The following LAMB3 variants were observed in gnomAD, a reference collection of about 807,000 sequenced individuals.
LAMB3 encodes laminin subunit beta-3.
A neutral mutation model predicts 140.3 loss-of-function variants in LAMB3; 104 were observed. That is an observed-to-expected ratio of 0.74 (90% CI 0.63 to 0.87). LAMB3 has a LOEUF of 0.87. LAMB3 is among the 40% of genes least tolerant of loss of function. The probability of loss-of-function intolerance (pLI) is 0.00; values close to 1 mark genes in which losing one functional copy is unlikely to be tolerated. For synonymous variants in LAMB3, 592 were observed against 602.9 expected (o/e 0.98, Z 0.26); for missense variants, 1,531 against 1,575.2 (o/e 0.97, Z 0.47).
At chr1:209,637,645 C>T (rs1427435104) in intron 5 of LAMB3, among the ~76,000 whole-genome samples, 1 of 152,168 alleles carries the variant, frequency 6.6e-6, no homozygotes, top group Non-Finnish European at 1.5e-5. Flanking sequence ...AGAATTGGTA[C>T]TTGGCAGAGC....
At chr1:209,651,608 A>T (rs916138840) in intron 1 of LAMB3, among the ~76,000 whole-genome samples, 2 of 152,158 alleles carry the variant, frequency 1.3e-5, no homozygotes, top group Admixed American at 1.3e-4. Context: ...TCTGAAAGGG[A>T]AGCAACCCAA....
At chr1:209,632,452 G>T in intron 8 of LAMB3, 131 bp downstream of exon 8, 1 of 672,684 alleles carries the variant, frequency 1.5e-6, no homozygotes, top group Non-Finnish European at 2.5e-6. Flanking sequence ...ATTTTTTGTT[G>T]TTGCTGCTGA....
chr1:209,633,935 A>G (rs1399894086), intron 6 of LAMB3, among the ~76,000 whole-genome samples: 2 of 152,170 alleles, frequency 1.3e-5, no homozygotes, highest in Non-Finnish European at 2.9e-5. Context: ...GCAGGTTCTT[A>G]TTTCTAGCTC....
At chr1:209,631,153 C>T (rs1052769073) in intron 8 of LAMB3, among the ~76,000 whole-genome samples, 8 of 152,200 alleles carry the variant, frequency 5.3e-5, no homozygotes, top group African/African-American at 1.7e-4. Flanking sequence ...GTTAATGGAA[C>T]TGTTGTGATG....
At chr1:209,634,742 G>T in intron 5 of LAMB3, 104 bp from the exon 6 acceptor site, 1 of 968,064 alleles carries the variant, frequency 1.0e-6, no homozygotes, top group Non-Finnish European at 1.6e-6. Flanking sequence ...GAGAAAGGGG[G>T]CCCAGTGGGA....
In LAMB3 at chr1:209,616,621, A is replaced by G. The variant is rs573606004; in HGVS notation, c.3232T>C (p.Phe1078Leu). 1.2e-6 allele frequency: 2 copies of G among 1,614,100 alleles called. No homozygotes were observed. The highest frequency in any genetic ancestry group is 1.3e-5 in the African/African-American group (1 of 75,020). The change falls in exon 22 of 23, where the codon TTT becomes CTT. Residue 1078 changes from phenylalanine (F) to leucine (L), a missense_variant. Phe to Leu is a conservative substitution (Grantham distance 22). Coordinates refer to ENST00000356082, the MANE Select transcript of LAMB3 (RefSeq NM_000228.3). ...SEQALSAQEGFERIKQKYAEL... is the reference protein window; with the variant it reads ...SEQALSAQEGLERIKQKYAEL... ...GCATACTTTTGTTTTATTCTCTCAAATCCCTGAAAAAGGTAGAATAGTCTC... is the reference window on the plus strand; with the variant it reads ...GCATACTTTTGTTTTATTCTCTCAAGTCCCTGAAAAAGGTAGAATAGTCTC...
intron 4 of LAMB3, 78 bp downstream of exon 4, chr1:209,638,456 G>A: frequency 2.1e-6 from 2 of 946,052 alleles, no homozygotes; most frequent in South Asian, 1.3e-5. Flanking sequence ...GAAACCCAAA[G>A]GGTTATAGGG....
intron 11 of LAMB3, among the ~76,000 whole-genome samples, chr1:209,627,795 CTCAG>C (rs1294053752): frequency 2.0e-5 from 3 of 152,252 alleles, no homozygotes; most frequent in Non-Finnish European, 4.4e-5. Context: ...ATCTGGCTGA[CTCAG>C]TCCCACCTTC....
At position 209,615,399 on chromosome 1, in the gene LAMB3, A is replaced by C. The variant is rs775574815; in HGVS notation, c.3391T>G (p.Leu1131Val). The C allele has an allele frequency of 1.3e-6, 2 of 1,598,978 alleles. No homozygotes were observed. Among genetic ancestry groups the C allele is most frequent in the African/African-American group, 2.7e-5 (2 of 74,656 alleles). Residue 1131 changes from leucine (L) to valine (V), a missense_variant, in exon 23 of 23, where the codon TTG becomes GTG. By Grantham distance (32) the Leu-to-Val change is conservative (BLOSUM62 1). Coordinates refer to ENST00000356082, the MANE Select transcript of LAMB3 (RefSeq NM_000228.3). ...EMMDRMKDME[L>V]ELLRGSQAIM... ...GCCTGGCTGCCCCGCAGCAGCTCCA[A>C]CTCCATGTCTGAGGCAAATGGAACA...
intron 12 of LAMB3, 27 bp from the exon 13 acceptor site, chr1:209,627,005 A>T: frequency 1.4e-6 from 2 of 1,478,452 alleles, no homozygotes; most frequent in Non-Finnish European, 1.9e-6. Context: ...CCGTCAGTGG[A>T]CCCTGCCTCA....
intron 5 of LAMB3, among the ~76,000 whole-genome samples, chr1:209,635,666 G>A (rs538693298): frequency 2.0e-5 from 3 of 152,000 alleles, no homozygotes; most frequent in Non-Finnish European, 2.9e-5. Flanking sequence ...GCCTCCCAAC[G>A]TGCTGAGATT....
chr1:209,616,692 C>T (rs1665982213), intron 21 of LAMB3, 68 bp from the exon 22 acceptor site: 2 of 1,450,066 alleles, frequency 1.4e-6, no homozygotes, highest in East Asian at 2.3e-5. Flanking sequence ...GTGGCCAAAG[C>T]ACTTGATATC....
chr1:209,630,922 T>C (rs1237410565), intron 8 of LAMB3, among the ~76,000 whole-genome samples, 187 bp from the exon 9 acceptor site: 3 of 152,244 alleles, frequency 2.0e-5, no homozygotes, highest in African/African-American at 7.2e-5. Flanking sequence ...GCTATTGTTC[T>C]GCACATATGA....
At chr1:209,636,194 G>C (rs984300770) in intron 5 of LAMB3, among the ~76,000 whole-genome samples, 1 of 151,906 alleles carries the variant, frequency 6.6e-6, no homozygotes, top group Non-Finnish European at 1.5e-5. Flanking sequence ...TTTCCTGTGA[G>C]ACCAGGATTT....
intron 5 of LAMB3, among the ~76,000 whole-genome samples, chr1:209,636,093 C>T (rs1459600883): frequency 6.6e-6 from 1 of 152,102 alleles, no homozygotes; most frequent in African/African-American, 2.4e-5. Context: ...CCCACCCTGC[C>T]CCATTATTTT....
intron 4 of LAMB3, 146 bp from the exon 5 acceptor site, chr1:209,638,127 T>C: frequency 1.4e-6 from 1 of 733,050 alleles, no homozygotes; most frequent in Non-Finnish European, 2.4e-6. Flanking sequence ...GAGTGGGGAG[T>C]GGTATGTTTC....
chr1:209,617,687 C>T (rs1430779280), intron 20 of LAMB3, 101 bp from the exon 21 acceptor site: 1 of 1,416,236 alleles, frequency 7.1e-7, no homozygotes, highest in Non-Finnish European at 9.8e-7. Context: ...AAAACCCTCT[C>T]CAACCAGAAC....
intron 3 of LAMB3, among the ~76,000 whole-genome samples, chr1:209,647,466 C>T (rs2076528094): frequency 6.6e-6 from 1 of 152,162 alleles, no homozygotes; most frequent in Non-Finnish European, 1.5e-5. Flanking sequence ...CCCCATTGTC[C>T]TTGCATTCAT....
intron 4 of LAMB3, 65 bp from the exon 5 acceptor site, chr1:209,638,046 C>T (rs1028692018): frequency 7.4e-7 from 1 of 1,358,608 alleles, no homozygotes; most frequent in Non-Finnish European, 1.0e-6. Flanking sequence ...CTGAAGGAAG[C>T]CCTGGATTAG....
Sources: allele counts gnomAD v4.1 joint callset (sites outside exome capture counted in the v4.1 genomes callset), GRCh38; gene constraint gnomAD v4.1.1; transcripts MANE v1.5; gene names NCBI Gene and HGNC (gene_info 2026-07-23, HGNC 2026-07-21).